The following MAST4 variants were observed in gnomAD, a reference collection of about 807,000 sequenced individuals.
MAST4 encodes microtubule-associated serine/threonine-protein kinase 4.
A neutral mutation model predicts 162.7 loss-of-function variants in MAST4; 89 were observed. The ratio of observed to expected loss-of-function variants is 0.55; its 90% confidence interval spans 0.46 to 0.65. MAST4 has a LOEUF of 0.65. Among genes scored for constraint, MAST4 ranks in the 30% least tolerant of loss-of-function variants. MAST4 has a pLI of 0.00. For missense variants in MAST4, 3,153 were observed against 3,374.0 expected (o/e 0.93, Z 1.62); for synonymous variants, 1,479 against 1,361.1 (o/e 1.09, Z -1.91).
rs528113315 is a variant in MAST4, at chr5:66,643,571, G to T, written c.363+46553G>T. On this transcript the variant is annotated intron_variant, in intron 1 of 28. Transcript: ENST00000403625. The stretch of plus-strand genomic sequence containing the variant: ...GTGCAGAGGACAGATACCCCATATT[G>T]CATCACCTTCAGACCAGGCCTCAGG... 3.9e-5 allele frequency among the ~76,000 whole-genome samples: 6 copies of T among 152,208 alleles called. No individual in the cohort carries two copies. In the South Asian group the frequency reaches 1.2e-3, roughly 32 times the overall value.
Position 66,828,689 on chromosome 5 carries a change from A to G in MAST4, c.642+39895A>G, listed in dbSNP as rs951767378. The G allele has an allele frequency of 7.1e-6, 8 of 1,119,708 alleles. No individual in the cohort carries two copies. In the African/African-American group the frequency reaches 1.1e-4, roughly 15 times the overall value. The allele number at this position is 1,119,708 out of a possible 1,614,324, so 69.4% of individuals were successfully genotyped here. A position where few individuals can be genotyped will look rare whatever the true frequency, so the allele number is the denominator to read the frequency against. ...CGTGATCTCCGAAGTTGCTGGAGTG[A>G]ATAACTAAGCTGGACCAGCTGACTC... On this transcript the variant is annotated intron_variant, in intron 3 of 28. Coordinates refer to ENST00000403625, the MANE Select transcript of MAST4 (RefSeq NM_001164664.2).
At chr5:66,661,443 T>A (rs751868436) in intron 1 of MAST4, among the ~76,000 whole-genome samples, 2 of 152,218 alleles carry the variant, frequency 1.3e-5, no homozygotes, top group African/African-American at 2.4e-5. Context: ...CCAGAACTGT[T>A]TTGTGGCTAC....
chr5:66,867,271 A>C (rs1760597979), intron 3 of MAST4, among the ~76,000 whole-genome samples: 1 of 152,180 alleles, frequency 6.6e-6, no homozygotes, highest in Non-Finnish European at 1.5e-5. Flanking sequence ...CCTGATTTAA[A>C]GAATTAGGCT....
chr5:66,929,535 A>G (rs1435569805), intron 4 of MAST4, among the ~76,000 whole-genome samples: 1 of 152,182 alleles, frequency 6.6e-6, no homozygotes, highest in East Asian at 1.9e-4. Context: ...AAAATTAACC[A>G]TCACACTGTA....
At chr5:66,864,787 C>T (rs142043453) in intron 3 of MAST4, among the ~76,000 whole-genome samples, 67 of 152,232 alleles carry the variant, frequency 4.4e-4, no homozygotes, top group African/African-American at 1.3e-3. Flanking sequence ...ACCCTGCCAA[C>T]ATCTTCATGT....
rs751749924 is a variant in MAST4 at position 67,163,982 on chromosome 5, C to A, written c.4803C>A (p.Ser1601Arg). 33 of 1,606,660 alleles carry A rather than the reference C, an allele frequency of 2.1e-5. No homozygotes were observed. The East Asian group carries it at 7.2e-4, about 35-fold the overall frequency. Reference protein sequence around the residue: ...ASMQEAPPLGSLLKDALHKQA... With the variant: ...ASMQEAPPLGRLLKDALHKQA... ...TGCAGGAGGCGCCACCGCTGGGCAG[C>A]CTGCTGAAGGATGCTCTTCACAAGC... Residue 1601 changes from serine (S) to arginine (R), a missense_variant, in exon 29 of 29, where the codon AGC becomes AGA. Ser to Arg is a moderately radical substitution (Grantham distance 110). This residue lies in a region of MAST4 where 1,644 missense variants were observed against 1,495.0 expected (regional missense o/e 1.10). Transcript: ENST00000403625. The surrounding 1 kb of genome is among the most constrained non-coding windows in gnomAD (Gnocchi z 7.0).
Position 67,073,671 on chromosome 5 carries a change from A to G in MAST4, c.764-16491A>G, listed in dbSNP as rs370763484. 1.2e-3 allele frequency among the ~76,000 whole-genome samples: 176 copies of G among 152,348 alleles called. 7 individuals are homozygous for G. In the South Asian group the frequency reaches 0.036, roughly 31 times the overall value. On this transcript the variant is annotated intron_variant, in intron 5 of 28. Coordinates refer to ENST00000403625, the MANE Select transcript of MAST4 (RefSeq NM_001164664.2). Reference sequence around the variant, plus strand: ...AGAAAGTGACAATCCAAGCATTCATATATGAATAAGAACAGGAAGGAATGG... The same window carrying G: ...AGAAAGTGACAATCCAAGCATTCATGTATGAATAAGAACAGGAAGGAATGG...
intron 12 of MAST4, chr5:67,114,543 T>G (rs1033600877): frequency 1.6e-5 from 4 of 255,026 alleles, no homozygotes; most frequent in Admixed American, 5.4e-5. Flanking sequence ...CAGAGCTCAG[T>G]TGGGCTCTTG....
At chr5:67,100,842 A>G (rs1043577285) in intron 8 of MAST4, among the ~76,000 whole-genome samples, 2 of 152,222 alleles carry the variant, frequency 1.3e-5, no homozygotes, top group South Asian at 2.1e-4. Context: ...GGGACTACCT[A>G]TGAAAACATC....
At chr5:66,713,559 T>A (rs941631281) in intron 1 of MAST4, among the ~76,000 whole-genome samples, 1 of 152,230 alleles carries the variant, frequency 6.6e-6, no homozygotes, top group Non-Finnish European at 1.5e-5. Flanking sequence ...CTATGAAGTT[T>A]GGGCTTGTTT....
intron 2 of MAST4, among the ~76,000 whole-genome samples, chr5:66,767,786 G>A (rs967793323): frequency 1.3e-5 from 2 of 152,158 alleles, no homozygotes; most frequent in African/African-American, 4.8e-5. Context: ...TCCAGCACGA[G>A]AGAAAGATGT....
intron 4 of MAST4, among the ~76,000 whole-genome samples, chr5:66,905,939 G>A (rs1763328238): frequency 1.3e-5 from 2 of 152,170 alleles, no homozygotes. Context: ...AAAGGTATCA[G>A]ACTCTTAATC....
In MAST4 at chr5:67,078,913, T is replaced by TAAATAAATAA. The variant is rs1184932403; in HGVS notation, c.764-11248_764-11247insAATAAATAAA. On this transcript the variant is annotated intron_variant, in intron 5 of 28. Transcript: ENST00000403625. ...ATATATTTATATATTTTTATATAAA[T>TAAATAAATAA]ATATATATATATATATATATATATA... is the stretch of plus-strand genomic sequence containing the variant. 6.7e-4 allele frequency among the ~76,000 whole-genome samples: 42 copies of TAAATAAATAA among 62,836 alleles called. 2 individuals carry two copies. The highest frequency in any genetic ancestry group is 2.9e-3 in the African/African-American group (41 of 14,050). 41.2% of individuals were successfully genotyped at this position (62,836 alleles called of 152,430 possible). A position where few individuals can be genotyped will look rare whatever the true frequency, so the allele number is the denominator to read the frequency against.
At chr5:66,881,577 A>T (rs1481355869) in intron 3 of MAST4, among the ~76,000 whole-genome samples, 4 of 152,240 alleles carry the variant, frequency 2.6e-5, no homozygotes, top group East Asian at 3.8e-4. Context: ...ACTTTAAAAA[A>T]TCGGTGAATT....
chr5:67,073,461 G>A (rs1031745957), intron 5 of MAST4, among the ~76,000 whole-genome samples: 1 of 152,200 alleles, frequency 6.6e-6, no homozygotes, highest in Non-Finnish European at 1.5e-5. Context: ...CTCGGCTCAC[G>A]ATATGGGAAA....
At chr5:67,110,953 G>A (rs1471719560) in intron 11 of MAST4, among the ~76,000 whole-genome samples, 1 of 152,190 alleles carries the variant, frequency 6.6e-6, no homozygotes, top group Non-Finnish European at 1.5e-5. Context: ...GAACCCAGGA[G>A]GCGGAGGTTG....
At chr5:66,737,151 G>A (rs746659377) in intron 1 of MAST4, among the ~76,000 whole-genome samples, 4 of 152,192 alleles carry the variant, frequency 2.6e-5, no homozygotes, top group Non-Finnish European at 4.4e-5. Flanking sequence ...CTGGTTGGGT[G>A]GCTCTGGGTA....
chr5:67,098,088 T>C (rs1764652590), intron 7 of MAST4, among the ~76,000 whole-genome samples: 1 of 152,132 alleles, frequency 6.6e-6, no homozygotes, highest in Non-Finnish European at 1.5e-5. Context: ...GTTTAAAAAA[T>C]CAAAATGTAG....
At chr5:66,921,663 G>A (rs1245314211) in intron 4 of MAST4, among the ~76,000 whole-genome samples, 1 of 152,186 alleles carries the variant, frequency 6.6e-6, no homozygotes, top group Non-Finnish European at 1.5e-5. Flanking sequence ...GGAGGCTGAG[G>A]TGGGAGGATG....
Sources: allele counts gnomAD v4.1 joint callset (sites outside exome capture counted in the v4.1 genomes callset), GRCh38; gene constraint gnomAD v4.1.1; regional missense constraint gnomAD v4.1.1; non-coding constraint Gnocchi (gnomAD v3.1); transcripts MANE v1.5; gene names NCBI Gene and HGNC (gene_info 2026-07-23, HGNC 2026-07-21).